The following DNAH9 variants were observed in gnomAD, a reference collection of about 807,000 sequenced individuals.
The protein encoded by DNAH9 is dynein axonemal heavy chain 9.
A neutral mutation model predicts 471.6 loss-of-function variants in DNAH9; 345 were observed. That is an observed-to-expected ratio of 0.73 (90% CI 0.67 to 0.80). DNAH9 has a LOEUF of 0.80. DNAH9 is among the 30% of genes least tolerant of loss of function. The probability of loss-of-function intolerance (pLI) is 0.00; values close to 1 mark genes in which losing one functional copy is unlikely to be tolerated. For missense variants in DNAH9, 5,407 were observed against 5,609.2 expected, an observed-to-expected ratio of 0.96 and a Z score of 1.15; for synonymous variants, 2,093 against 2,123.6, an observed-to-expected ratio of 0.99 and a Z score of 0.40.
At position 11,932,052 on chromosome 17, in the gene DNAH9, G is replaced by A. The variant is rs747185876; in HGVS notation, c.12144G>A (p.Lys4048=). 55 of 1,614,038 alleles carry A rather than the reference G, an allele frequency of 3.4e-5. No homozygotes were observed. The highest frequency in any genetic ancestry group is 4.7e-5 in the Non-Finnish European group (55 of 1,180,030). Residue 4048 remains lysine (K), a synonymous_variant, in exon 64 of 69, where the codon AAG becomes AAA. Coordinates refer to ENST00000262442, the MANE Select transcript of DNAH9 (RefSeq NM_001372.4). The surrounding 1 kb of genome is among the most constrained non-coding windows in gnomAD (Gnocchi z 4.3). ...TGTGTTCTCGGGAGACGGAGTTTAA[G>A]AGCATCCTCTTTGCTCTTTGTTACT... is the stretch of plus-strand genomic sequence containing the variant. The part of the protein sequence containing the change: ...LEMCSRETEF[K]SILFALCYFH...
intron 27 of DNAH9, among the ~76,000 whole-genome samples, chr17:11,721,297 TTTTG>T (rs551086095): frequency 7.3e-4 from 111 of 152,250 alleles, no homozygotes; most frequent in African/African-American, 8.2e-4. Context: ...TTGTTTTTGT[TTTTG>T]TTTGTTTGTT....
At chr17:11,711,141 C>A (rs2074820711) in intron 26 of DNAH9, among the ~76,000 whole-genome samples, 1 of 152,056 alleles carries the variant, frequency 6.6e-6, no homozygotes, top group Non-Finnish European at 1.5e-5. Flanking sequence ...TCTGATTGGT[C>A]CTATTTGGAT....
intron 67 of DNAH9, among the ~76,000 whole-genome samples, chr17:11,956,505 C>A (rs1427739623): frequency 6.6e-6 from 1 of 152,112 alleles, no homozygotes; most frequent in African/African-American, 2.4e-5. Context: ...TTTACAGACA[C>A]TCCAACAATG....
intron 44 of DNAH9, 29 bp from the exon 45 acceptor site, chr17:11,810,216 AG>A (rs748640320): frequency 6.3e-7 from 1 of 1,589,890 alleles, no homozygotes; most frequent in South Asian, 1.2e-5. Flanking sequence ...CCTTCTTTTC[AG>A]AGATTTCTGA....
intron 48 of DNAH9, among the ~76,000 whole-genome samples, chr17:11,825,694 G>T (rs1343774715): frequency 1.3e-5 from 2 of 152,168 alleles, no homozygotes; most frequent in Non-Finnish European, 2.9e-5. Flanking sequence ...CCACACAAAA[G>T]AATTTGAAAG....
chr17:11,763,728 C>A, intron 36 of DNAH9, 114 bp downstream of exon 36: 1 of 1,041,488 alleles, frequency 9.6e-7, no homozygotes, highest in Non-Finnish European at 1.4e-6. Context: ...GACTTGAAAG[C>A]AGCAAACTAT....
At chr17:11,645,479 T>G (rs2073363560) in intron 11 of DNAH9, among the ~76,000 whole-genome samples, 1 of 152,134 alleles carries the variant, frequency 6.6e-6, no homozygotes, top group South Asian at 2.1e-4. Context: ...TCTGTTCCCC[T>G]CAGTACCCAC....
intron 67 of DNAH9, among the ~76,000 whole-genome samples, chr17:11,946,297 G>A (rs569261033): frequency 2.8e-4 from 42 of 149,512 alleles, no homozygotes; most frequent in African/African-American, 9.5e-4. Flanking sequence ...AACAGATTTT[G>A]TCTATCAGGA....
chr17:11,889,104 C>T (rs1301894458), intron 57 of DNAH9, among the ~76,000 whole-genome samples: 1 of 152,212 alleles, frequency 6.6e-6, no homozygotes, highest in East Asian at 1.9e-4. Context: ...TAATAAGACA[C>T]ATTCACAGGG....
intron 36 of DNAH9, among the ~76,000 whole-genome samples, chr17:11,766,782 G>A (rs1203387329): frequency 6.6e-6 from 1 of 152,104 alleles, no homozygotes; most frequent in African/African-American, 2.4e-5. Context: ...GGACAATATG[G>A]TGAAACCCCA....
chr17:11,951,245 G>GT (rs1217882115), intron 67 of DNAH9, among the ~76,000 whole-genome samples: 2 of 152,160 alleles, frequency 1.3e-5, no homozygotes, highest in African/African-American at 2.4e-5. Context: ...AGTATGGCCT[G>GT]TTTTTTTAAA....
chr17:11,848,977 C>G (rs1052563862), intron 49 of DNAH9, among the ~76,000 whole-genome samples: 1 of 152,064 alleles, frequency 6.6e-6, no homozygotes, highest in Non-Finnish European at 1.5e-5. Flanking sequence ...GCTGGGACTA[C>G]AGGCGGCTGC....
chr17:11,853,678 C>T (rs1374386330), intron 49 of DNAH9, among the ~76,000 whole-genome samples: 1 of 152,176 alleles, frequency 6.6e-6, no homozygotes, highest in Non-Finnish European at 1.5e-5. Flanking sequence ...TTATTCATAG[C>T]ATGCTGCATA....
chr17:11,864,594 G>A (rs1411417224), intron 50 of DNAH9, among the ~76,000 whole-genome samples: 29 of 152,132 alleles, frequency 1.9e-4, no homozygotes, highest in Middle Eastern at 3.4e-3. Flanking sequence ...TTTCTGTCTC[G>A]CTGATCTGTC....
At chr17:11,645,874 TTTTTC>T (rs1221029017) in intron 11 of DNAH9, among the ~76,000 whole-genome samples, 43 of 71,994 alleles carry the variant, frequency 6.0e-4, no homozygotes, top group Middle Eastern at 0.019. Flanking sequence ...TCTCTTTTTC[TTTTTC>T]TTTTTTTTTT....
chr17:11,788,914 G>A (rs1968969882), intron 41 of DNAH9, among the ~76,000 whole-genome samples: 1 of 152,002 alleles, frequency 6.6e-6, no homozygotes, highest in African/African-American at 2.4e-5. Flanking sequence ...ATATTTTTCT[G>A]TGTATAGTTT....
Position 11,942,469 on chromosome 17 carries a change from T to C in DNAH9, c.12827T>C (p.Leu4276Pro), listed in dbSNP as rs1974958748. ...GAGATTCAGCGCTCACTGAGGGAGC[T>C]GGAGCTCGGCTTAAAGGTGAGCGCG... ...TREIQRSLRE[L>P]ELGLKGELTM... Residue 4276 changes from leucine to proline, a missense_variant, in exon 67 of 69, where the codon CTG (leucine) becomes CCG (proline). Physicochemically the swap from Leu to Pro is moderately conservative, Grantham distance 98. Around this residue, in one of 3 missense-constraint regions of DNAH9, gnomAD observed 4,636 missense variants for 4,900.3 expected, o/e 0.95. Coordinates refer to ENST00000262442, the MANE Select transcript of DNAH9 (RefSeq NM_001372.4). The C allele has an allele frequency of 1.2e-6, 2 of 1,613,838 alleles. No individual in the cohort carries two copies.
chr17:11,921,148 C>A (rs190502725), intron 61 of DNAH9, among the ~76,000 whole-genome samples: 177 of 151,514 alleles, frequency 1.2e-3, no homozygotes, highest in African/African-American at 4.1e-3. Flanking sequence ...GAGGCTGAGG[C>A]AGGAGAATCA....
Position 11,793,644 on chromosome 17 carries a change from G to A in DNAH9, c.8203G>A (p.Val2735Met). ...FDLFDKIQTE[V>M]LKKTFDDIED... The stretch of plus-strand genomic sequence containing the variant: ...TCTTTTTGATAAAATCCAGACAGAA[G>A]TGCTCAAGAAAACTTTTGATGTGAG... Residue 2735 changes from valine to methionine, a missense_variant, in exon 42 of 69, where the codon GTG (valine) becomes ATG (methionine). Coordinates refer to ENST00000262442, the MANE Select transcript of DNAH9 (RefSeq NM_001372.4). 6.2e-7 allele frequency: 1 copy of A among 1,611,802 alleles called. No homozygotes were observed.
Sources: gnomAD v4.1 joint callset for allele counts (sites outside exome capture counted in the v4.1 genomes callset) on GRCh38, gnomAD v4.1.1 for gene constraint, gnomAD v4.1.1 regional missense constraint, Gnocchi (gnomAD v3.1) non-coding constraint, MANE v1.5 for transcripts, NCBI Gene and HGNC (gene_info 2026-07-23, HGNC 2026-07-21) for gene names.